The following ADAMTSL1 variants were observed in gnomAD, a reference collection of about 807,000 sequenced individuals.
ADAMTSL1 encodes the protein ADAMTS like 1.
In ADAMTSL1, 126 loss-of-function variants were observed where a neutral mutation model predicts 201.8. The ratio of observed to expected loss-of-function variants is 0.62; its 90% CI spans 0.54 to 0.72. The LOEUF is 0.72. Ranked by LOEUF, ADAMTSL1 falls within the 30% of genes least tolerant of loss-of-function variation. The pLI is 0.00. For missense variants in ADAMTSL1, 2,679 were observed against 2,277.8 expected, an observed-to-expected ratio of 1.18 and a Z score of -3.59; for synonymous variants, 1,121 against 903.4, an observed-to-expected ratio of 1.24 and a Z score of -4.32.
intron 2 of ADAMTSL1, among the ~76,000 whole-genome samples, chr9:18,532,924 G>A (rs1456009757): frequency 3.3e-5 from 5 of 151,598 alleles, no homozygotes; most frequent in Non-Finnish European, 7.4e-5. Context: ...TCAGAAATAA[G>A]AAGAAAGGAT....
intron 2 of ADAMTSL1, among the ~76,000 whole-genome samples, chr9:18,176,312 T>G (rs1048413076): frequency 6.6e-6 from 1 of 152,144 alleles, no homozygotes; most frequent in African/African-American, 2.4e-5. Context: ...AATAATAAAA[T>G]AGTAACAACA....
chr9:18,017,429 C>A (rs1820305306), intron 1 of ADAMTSL1, among the ~76,000 whole-genome samples: 1 of 151,918 alleles, frequency 6.6e-6, no homozygotes, highest in Non-Finnish European at 1.5e-5. Flanking sequence ...GTAATCCCCC[C>A]AAATTTGAGA....
intron 2 of ADAMTSL1, among the ~76,000 whole-genome samples, chr9:18,529,269 C>T (rs144632096): frequency 1.3e-5 from 2 of 152,212 alleles, no homozygotes; most frequent in African/African-American, 4.8e-5. Context: ...AACGGATTTA[C>T]CAGAATTGAG....
chr9:18,698,066 A>G (rs372281057), intron 13 of ADAMTSL1, among the ~76,000 whole-genome samples: 55 of 152,356 alleles, frequency 3.6e-4, no homozygotes, highest in Admixed American at 9.8e-4. Flanking sequence ...TTTTATTTAT[A>G]AAGCACTTAG....
chr9:18,884,727 C>T (rs553940600), intron 23 of ADAMTSL1, among the ~76,000 whole-genome samples: 25 of 152,224 alleles, frequency 1.6e-4, no homozygotes, highest in South Asian at 6.2e-4. Context: ...AGTCTGTTTC[C>T]GGTCTCTATT....
At chr9:18,391,481 T>C (rs1002503879) in intron 2 of ADAMTSL1, among the ~76,000 whole-genome samples, 15 of 152,194 alleles carry the variant, frequency 9.9e-5, no homozygotes, top group Non-Finnish European at 1.8e-4. Flanking sequence ...GGTCTTGCTC[T>C]GTCACCCAGG....
At chr9:18,370,212 G>A (rs967106814) in intron 2 of ADAMTSL1, among the ~76,000 whole-genome samples, 5 of 151,814 alleles carry the variant, frequency 3.3e-5, no homozygotes, top group Non-Finnish European at 4.4e-5. Context: ...CCCAGGAGGC[G>A]GAGGTTGCAG....
At chr9:18,845,469 C>A (rs1826045837) in intron 23 of ADAMTSL1, among the ~76,000 whole-genome samples, 1 of 152,246 alleles carries the variant, frequency 6.6e-6, no homozygotes, top group African/African-American at 2.4e-5. Context: ...CACCAACATG[C>A]TCACCAGGGC....
chr9:18,454,416 C>T (rs1820527108), intron 2 of ADAMTSL1, among the ~76,000 whole-genome samples: 2 of 152,168 alleles, frequency 1.3e-5, no homozygotes, highest in Admixed American at 1.3e-4. Context: ...CACAGACTCA[C>T]ATGCTAATCT....
intron 2 of ADAMTSL1, among the ~76,000 whole-genome samples, chr9:18,515,393 G>A (rs1488118877): frequency 6.6e-6 from 1 of 152,182 alleles, no homozygotes; most frequent in Non-Finnish European, 1.5e-5. Context: ...GGAGTGCAGT[G>A]GTGCCATCTC....
At chr9:18,054,500 T>G (rs929732675) in intron 1 of ADAMTSL1, among the ~76,000 whole-genome samples, 2 of 152,238 alleles carry the variant, frequency 1.3e-5, no homozygotes, top group African/African-American at 4.8e-5. Context: ...TAGGTCTGTA[T>G]GTGTGTTGGA....
At chr9:18,336,263 C>T (rs1055913391) in intron 2 of ADAMTSL1, among the ~76,000 whole-genome samples, 12 of 150,280 alleles carry the variant, frequency 8.0e-5, no homozygotes, top group Non-Finnish European at 1.6e-4. Context: ...GTAAAGATTG[C>T]TTATGTTCCT....
chr9:18,680,769 G>A (rs1381953647), intron 11 of ADAMTSL1: 2 of 482,180 alleles, frequency 4.1e-6, no homozygotes, highest in Admixed American at 7.0e-5. Flanking sequence ...CCCTCAAATA[G>A]CACGGGGAAG....
In ADAMTSL1 at chr9:18,058,528, AT is replaced by A. The variant is rs576575921; in HGVS notation, c.88-105324del. On this transcript the variant is annotated intron_variant, in intron 1 of 29. Transcript: ENST00000680146. ...CCAATGTCATAAATATTGTGAGCAT[AT>A]TTTTTTTTTCAATGATTATAACTAT... Among the ~76,000 whole-genome samples the A allele has an allele frequency of 2.9e-3, 432 of 150,336 alleles. 1 individual carries two copies. Among genetic ancestry groups the A allele is most frequent in the South Asian group, 9.9e-3 (47 of 4,748 alleles).
At chr9:18,851,327 G>T (rs1826479815) in intron 23 of ADAMTSL1, among the ~76,000 whole-genome samples, 1 of 152,114 alleles carries the variant, frequency 6.6e-6, no homozygotes, top group South Asian at 2.1e-4. Flanking sequence ...CTGAATACCT[G>T]CTCTATGAAT....
chr9:18,233,903 A>G (rs1238119608), intron 2 of ADAMTSL1, among the ~76,000 whole-genome samples: 1 of 152,174 alleles, frequency 6.6e-6, no homozygotes, highest in African/African-American at 2.4e-5. Flanking sequence ...TCATCTCTCA[A>G]ATTATTAAGT....
intron 1 of ADAMTSL1, among the ~76,000 whole-genome samples, chr9:17,929,741 C>T (rs956950282): frequency 6.6e-6 from 1 of 152,158 alleles, no homozygotes. Context: ...GTATCACTTC[C>T]CCAGAAAGTC....
Position 18,721,675 on chromosome 9 carries a change from G to T in ADAMTSL1, c.2006+10G>T. 1 of 1,613,522 alleles carries T rather than the reference G, an allele frequency of 6.2e-7. No individual in the cohort carries two copies. The highest frequency in any genetic ancestry group is 8.5e-7 in the Non-Finnish European group (1 of 1,179,634). Reference sequence around the variant, plus strand: ...ATCCCTGCCCAGCAAGGTAAGGGATGTGTGGCCTGCCCTGCTGTCCAGGGG... The same window carrying T: ...ATCCCTGCCCAGCAAGGTAAGGGATTTGTGGCCTGCCCTGCTGTCCAGGGG... On this transcript the variant is annotated intron_variant, in intron 15 of 28. Coordinates refer to ENST00000380548, the MANE Select transcript of ADAMTSL1 (RefSeq NM_001040272.6).
At chr9:17,974,481 G>A (rs769802170) in intron 1 of ADAMTSL1, among the ~76,000 whole-genome samples, 5 of 151,992 alleles carry the variant, frequency 3.3e-5, no homozygotes, top group African/African-American at 7.2e-5. Context: ...TTCATCCTAC[G>A]TAACTGAAAC....
Sources: gnomAD v4.1 joint callset for allele counts (sites outside exome capture counted in the v4.1 genomes callset) on GRCh38, gnomAD v4.1.1 for gene constraint, MANE v1.5 for transcripts, NCBI Gene and HGNC (gene_info 2026-07-23, HGNC 2026-07-21) for gene names.